Variants in NR2F1-AS1 observed in about 807,000 individuals in gnomAD.
NR2F1-AS1 encodes NR2F1 antisense RNA 1.
At chr5:93,581,982 CT>C (rs1168511193), upstream of NR2F1-AS1, among the ~76,000 whole-genome samples, 2 of 120,924 alleles carry the variant, frequency 1.7e-5, no homozygotes, top group Non-Finnish European at 1.7e-5. Context: ...TCTCCTCTCT[CT>C]CTCTCTCCCC....
At chr5:93,584,739 A>C (rs1409330381), upstream of NR2F1-AS1, 2 of 151,042 alleles carry the variant, frequency 1.3e-5, no homozygotes, top group Non-Finnish European at 3.0e-5. Context: ...CTGCAAAAAG[A>C]GAGAAAGAAA....
At chr5:93,420,969 C>T (rs1388605234) in intron 4 of NR2F1-AS1, among the ~76,000 whole-genome samples, 1 of 152,170 alleles carries the variant, frequency 6.6e-6, no homozygotes, top group Non-Finnish European at 1.5e-5. Flanking sequence ...TTGATATGTA[C>T]ATACTCTCCA....
intron 4 of NR2F1-AS1, among the ~76,000 whole-genome samples, chr5:93,468,535 T>G (rs1750293566): frequency 1.3e-5 from 2 of 152,216 alleles, no homozygotes; most frequent in Admixed American, 1.3e-4. Flanking sequence ...CCTTGTAGAT[T>G]CTGGATATTA....
At chr5:93,414,082 T>C (rs751228526) in intron 4 of NR2F1-AS1, among the ~76,000 whole-genome samples, 2 of 152,204 alleles carry the variant, frequency 1.3e-5, no homozygotes, top group Non-Finnish European at 2.9e-5. Context: ...ATATTCATGA[T>C]ACTTCACATA....
chr5:93,543,372 T>A (rs1166377576), intron 4 of NR2F1-AS1: 1 of 152,158 alleles, frequency 6.6e-6, no homozygotes, highest in Non-Finnish European at 1.5e-5. Flanking sequence ...ATTGAAAATA[T>A]CTCCAGGGAT....
intron 1 of NR2F1-AS1, among the ~76,000 whole-genome samples, chr5:93,564,660 T>C (rs1462112748): frequency 6.6e-6 from 1 of 152,174 alleles, no homozygotes; most frequent in East Asian, 1.9e-4. Context: ...GAACATAGTA[T>C]AAACTACATA....
chr5:93,466,481 C>T (rs368203368), intron 4 of NR2F1-AS1, among the ~76,000 whole-genome samples: 35 of 151,968 alleles, frequency 2.3e-4, no homozygotes, highest in Admixed American at 4.6e-4. Flanking sequence ...GGACTAAAGG[C>T]GCCCACCACC....
At chr5:93,543,747 T>C (rs1752010937) in intron 4 of NR2F1-AS1, 1 of 152,226 alleles carries the variant, frequency 6.6e-6, no homozygotes, top group African/African-American at 2.4e-5. Flanking sequence ...TTTCTTATAA[T>C]TACTGTTGGC....
chr5:93,437,822 T>C (rs1749475522), intron 4 of NR2F1-AS1, among the ~76,000 whole-genome samples: 1 of 152,240 alleles, frequency 6.6e-6, no homozygotes, highest in Non-Finnish European at 1.5e-5. Context: ...ATCTCATTTC[T>C]ATAAACACTA....
intron 4 of NR2F1-AS1, among the ~76,000 whole-genome samples, chr5:93,512,786 T>C (rs548533463): frequency 6.6e-6 from 1 of 152,336 alleles, no homozygotes; most frequent in Non-Finnish European, 1.5e-5. Context: ...TAACATGCTG[T>C]TTGTACACTG....
At chr5:93,551,721 G>A (rs1752234749) in intron 4 of NR2F1-AS1, among the ~76,000 whole-genome samples, 1 of 152,074 alleles carries the variant, frequency 6.6e-6, no homozygotes, top group African/African-American at 2.4e-5. Flanking sequence ...TCTCCTTAGG[G>A]AAAGTAATAG....
intron 4 of NR2F1-AS1, among the ~76,000 whole-genome samples, chr5:93,420,421 G>A (rs1749064834): frequency 6.6e-6 from 1 of 152,166 alleles, no homozygotes; most frequent in Non-Finnish European, 1.5e-5. Context: ...TCAAGTAGGA[G>A]TATTGTCTTT....
At chr5:93,556,250 T>G (rs1208185441) in intron 2 of NR2F1-AS1, among the ~76,000 whole-genome samples, 1 of 152,242 alleles carries the variant, frequency 6.6e-6, no homozygotes, top group East Asian at 1.9e-4. Context: ...TTTAATTTAT[T>G]GAAAACCATC....
chr5:93,413,189 CATATATATGT>C (rs72385943), intron 4 of NR2F1-AS1, among the ~76,000 whole-genome samples: 21,650 of 146,038 alleles, frequency 0.15, 1,926 homozygotes, highest in African/African-American at 0.25. Flanking sequence ...TCAGAATAGA[CATATATATGT>C]ATATATATGT....
At chr5:93,491,353 T>G (rs1186652196) in intron 4 of NR2F1-AS1, among the ~76,000 whole-genome samples, 1 of 144,060 alleles carries the variant, frequency 6.9e-6, no homozygotes, top group Non-Finnish European at 1.5e-5. Flanking sequence ...GTGGTTATGG[T>G]GGTAGTGGTG....
intron 2 of NR2F1-AS1, among the ~76,000 whole-genome samples, chr5:93,561,610 A>T (rs1302144274): frequency 6.6e-6 from 1 of 152,048 alleles, no homozygotes; most frequent in Non-Finnish European, 1.5e-5. Context: ...CCGTCTCTAC[A>T]AAAAATTAAA....
chr5:93,509,124 C>A (rs1291524774), intron 4 of NR2F1-AS1, among the ~76,000 whole-genome samples: 1 of 152,038 alleles, frequency 6.6e-6, no homozygotes, highest in Admixed American at 6.5e-5. Context: ...AAATAAAATG[C>A]AGTACATTCA....
At chr5:93,464,945 C>T (rs916819832) in intron 4 of NR2F1-AS1, among the ~76,000 whole-genome samples, 11 of 152,190 alleles carry the variant, frequency 7.2e-5, no homozygotes, top group South Asian at 6.2e-4. Context: ...TATCATCTAG[C>T]GCAAGCTGTT....
At chr5:93,556,995 C>A (rs1752371721) in intron 2 of NR2F1-AS1, among the ~76,000 whole-genome samples, 1 of 152,150 alleles carries the variant, frequency 6.6e-6, no homozygotes, top group South Asian at 2.1e-4. Flanking sequence ...TCTTGCTATT[C>A]ATTTCTCACT....
Sources: allele counts gnomAD v4.1 joint callset (sites outside exome capture counted in the v4.1 genomes callset), GRCh38; gene constraint gnomAD v4.1.1; transcripts MANE v1.5; gene names NCBI Gene and HGNC (gene_info 2026-07-23, HGNC 2026-07-21).